AEBP2: variants seen among roughly 807,000 people sequenced by gnomAD.
The protein encoded by AEBP2 is zinc finger protein AEBP2.
In AEBP2, 10 loss-of-function variants were observed where a neutral mutation model predicts 50.8. The observed-to-expected ratio is 0.20, with a 90% confidence interval of 0.12 to 0.33. The LOEUF (loss-of-function observed/expected upper bound fraction) is 0.33. AEBP2 is among the 10% of genes least tolerant of loss of function. The pLI is 1.00. For missense variants in AEBP2, 570 were observed against 688.0 expected (o/e 0.83, Z 1.92); for synonymous variants, 296 against 261.3 (o/e 1.13, Z -1.28).
intron 1 of AEBP2, among the ~76,000 whole-genome samples, chr12:19,408,558 G>A: frequency 6.6e-6 from 1 of 150,468 alleles, no homozygotes; most frequent in East Asian, 2.0e-4. Flanking sequence ...AAAAAAGAAA[G>A]CGTTTTCTCG....
intron 7 of AEBP2, among the ~76,000 whole-genome samples, chr12:19,516,958 C>T (rs758694850): frequency 1.3e-5 from 2 of 151,978 alleles, no homozygotes; most frequent in South Asian, 2.1e-4. Flanking sequence ...ACCCAGGAGG[C>T]GGAGGTTGCA....
At chr12:19,492,632 A>G (rs2120444226) in intron 3 of AEBP2, among the ~76,000 whole-genome samples, 1 of 152,208 alleles carries the variant, frequency 6.6e-6, no homozygotes, top group Admixed American at 6.5e-5. Flanking sequence ...TATTAAATGT[A>G]GTCCGTATGG....
At chr12:19,453,582 C>T (rs1948206223) in intron 1 of AEBP2, among the ~76,000 whole-genome samples, 1 of 152,054 alleles carries the variant, frequency 6.6e-6, no homozygotes, top group Admixed American at 6.6e-5. Flanking sequence ...CGACACCATG[C>T]CCAGCTAATT....
At chr12:19,508,202 TTTG>T (rs1555187857) in intron 5 of AEBP2, among the ~76,000 whole-genome samples, 2 of 152,134 alleles carry the variant, frequency 1.3e-5, no homozygotes, top group Non-Finnish European at 1.5e-5. Flanking sequence ...ACAGACTTTT[TTTG>T]TTGTTTTTAA....
intron 7 of AEBP2, 78 bp from the exon 8 acceptor site, chr12:19,518,009 A>G: frequency 7.6e-7 from 1 of 1,315,448 alleles, no homozygotes; most frequent in Non-Finnish European, 1.0e-6. Flanking sequence ...TATCTTATTA[A>G]TATTTTTAAT....
chr12:19,520,909 CAATT>C lies in AEBP2; in HGVS notation c.*2795_*2798del, dbSNP rs1949387883. 1 of 152,242 alleles carries C rather than the reference CAATT, an allele frequency of 6.6e-6. No individual in the cohort carries two copies. Among genetic ancestry groups the C allele is most frequent in the South Asian group, 2.1e-4 (1 of 4,824 alleles). 9.4% of individuals were successfully genotyped at this position (152,242 alleles called of 1,614,324 possible). A position where few individuals can be genotyped will look rare whatever the true frequency, so the allele number is the denominator to read the frequency against. ...CTCATGTGACTGGTCATAGTCAAAA[CAATT>C]AAGACTTTGTTTCATGCACAAAATT... On this transcript the variant is annotated 3_prime_UTR_variant, in exon 8 of 8. Coordinates refer to ENST00000266508, the MANE Select transcript of AEBP2 (RefSeq NM_153207.5).
intron 2 of AEBP2, among the ~76,000 whole-genome samples, chr12:19,468,151 T>G (rs1390915990): frequency 6.6e-6 from 1 of 151,448 alleles, no homozygotes; most frequent in Non-Finnish European, 1.5e-5. Flanking sequence ...TGTGTGTGTG[T>G]GTGTGTATGT....
rs771344167 is a variant in AEBP2, at chr12:19,514,634, A to T, written c.1368-37A>T. The T allele has an allele frequency of 1.2e-5, 17 of 1,459,980 alleles. No homozygotes were observed. The African/African-American group carries it at 2.3e-4, about 19-fold the overall frequency. The allele number at this position is 1,459,980 out of a possible 1,614,324, so 90.4% of individuals were successfully genotyped here. A position where few individuals can be genotyped will look rare whatever the true frequency, so the allele number is the denominator to read the frequency against. On this transcript the variant is annotated intron_variant, in intron 6 of 7. Transcript: ENST00000266508. ...ACATGGAAGTGTAAATCTAAAATTA[A>T]TGTTACTTTATTATTGACTTGTTTT...
At chr12:19,494,703 A>G (rs1948945334) in intron 4 of AEBP2, among the ~76,000 whole-genome samples, 1 of 151,792 alleles carries the variant, frequency 6.6e-6, no homozygotes, top group South Asian at 2.1e-4. Flanking sequence ...TTTGAATGTA[A>G]TGGGTGTCAT....
chr12:19,512,320 C>A, intron 5 of AEBP2, 78 bp from the exon 6 acceptor site: 2 of 1,044,848 alleles, frequency 1.9e-6, no homozygotes, highest in Non-Finnish European at 2.8e-6. Flanking sequence ...GCGCCCAGCC[C>A]CAAAAGTGTT....
intron 3 of AEBP2, among the ~76,000 whole-genome samples, chr12:19,490,146 C>T (rs929172354): frequency 9.2e-5 from 14 of 151,598 alleles, no homozygotes; most frequent in African/African-American, 3.2e-4. Context: ...CTAAAATAAA[C>T]TCTTGATGGT....
chr12:19,421,159 C>T (rs1345622590), intron 1 of AEBP2, among the ~76,000 whole-genome samples: 1 of 151,556 alleles, frequency 6.6e-6, no homozygotes, highest in Non-Finnish European at 1.5e-5. Context: ...AGCCTGGCCA[C>T]ATAGTGAAAC....
chr12:19,488,040 AAATT>A (rs1430928397), intron 3 of AEBP2, among the ~76,000 whole-genome samples: 4 of 152,262 alleles, frequency 2.6e-5, no homozygotes, highest in African/African-American at 4.8e-5. Context: ...TATTTTGACT[AAATT>A]AATTCTTACA....
intron 1 of AEBP2, among the ~76,000 whole-genome samples, chr12:19,459,012 C>G (rs1315631553): frequency 6.6e-6 from 1 of 152,084 alleles, no homozygotes; most frequent in Non-Finnish European, 1.5e-5. Context: ...GGAGATTGTT[C>G]CATATCACAT....
chr12:19,505,757 C>T (rs1055606648), intron 5 of AEBP2, among the ~76,000 whole-genome samples: 4 of 151,826 alleles, frequency 2.6e-5, no homozygotes, highest in Non-Finnish European at 5.9e-5. Flanking sequence ...TAGGCATGGT[C>T]TGATTTTGTT....
At chr12:19,414,604 C>T (rs999323809) in intron 1 of AEBP2, among the ~76,000 whole-genome samples, 1 of 152,132 alleles carries the variant, frequency 6.6e-6, no homozygotes, top group Non-Finnish European at 1.5e-5. Context: ...CCATTTTGTG[C>T]TCTAGGCACC....
intron 3 of AEBP2, among the ~76,000 whole-genome samples, chr12:19,479,458 A>C (rs1207003203): frequency 6.6e-6 from 1 of 152,172 alleles, no homozygotes; most frequent in Non-Finnish European, 1.5e-5. Flanking sequence ...ACAGCTGAGA[A>C]ATTCATCACA....
chr12:19,502,010 A>T (rs1949089157), intron 5 of AEBP2, among the ~76,000 whole-genome samples: 1 of 152,100 alleles, frequency 6.6e-6, no homozygotes, highest in Non-Finnish European at 1.5e-5. Context: ...TTTTGCATAG[A>T]TTATATGCAA....
intron 2 of AEBP2, among the ~76,000 whole-genome samples, chr12:19,467,358 A>G (rs371989837): frequency 1.1e-4 from 17 of 152,258 alleles, no homozygotes; most frequent in East Asian, 7.7e-4. Context: ...CAGTGGTGCA[A>G]TCTCCACTCA....
Sources: allele counts gnomAD v4.1 joint callset (sites outside exome capture counted in the v4.1 genomes callset), GRCh38; gene constraint gnomAD v4.1.1; transcripts MANE v1.5; gene names NCBI Gene and HGNC (gene_info 2026-07-23, HGNC 2026-07-21).